PRKG1: variants seen among roughly 807,000 people sequenced by gnomAD.
PRKG1 encodes the protein protein kinase cGMP-dependent 1.
Under a neutral mutation model 88.1 loss-of-function variants are expected in PRKG1, and 35 were observed. The observed-to-expected ratio is 0.40, with a 90% CI of 0.30 to 0.53. PRKG1 has a LOEUF of 0.53. Among genes scored for constraint, PRKG1 ranks in the 20% least tolerant of loss-of-function variants. PRKG1 has a pLI of 0.59. For missense variants in PRKG1, 540 were observed against 839.8 expected (o/e 0.64, Z 4.41); for synonymous variants, 303 against 292.5 (o/e 1.04, Z -0.37).
rs981213650 is a variant in PRKG1 at position 51,099,496 on chromosome 10, C to T, written c.311+24595C>T. On this transcript the variant is annotated intron_variant, in intron 1 of 17. Transcript: ENST00000373980. ...TCTAGTTTAAAGAGGTGTTTGTGGG[C>T]TCTCTTGGGAATCTAACTAGGATTT... Among the ~76,000 whole-genome samples, 7 of 152,016 alleles carry T rather than the reference C, an allele frequency of 4.6e-5. 2 individuals are homozygous for T. The Middle Eastern group carries it at 0.024, about 521-fold the overall frequency.
intron 7 of PRKG1, among the ~76,000 whole-genome samples, chr10:52,070,760 G>A (rs12765975): frequency 2.0e-4 from 31 of 152,206 alleles, no homozygotes; most frequent in Non-Finnish European, 1.8e-4. Flanking sequence ...TCCTTCAATT[G>A]TATCAAGTCT....
chr10:51,122,240 A>G (rs1386609047), intron 1 of PRKG1, among the ~76,000 whole-genome samples: 1 of 152,200 alleles, frequency 6.6e-6, no homozygotes, highest in Non-Finnish European at 1.5e-5. Context: ...CATGTGTAGC[A>G]AAGGGCAAAA....
In PRKG1 at chr10:51,535,710, G is replaced by A. The variant is rs114727945; in HGVS notation, c.592+67874G>A. Among the ~76,000 whole-genome samples the A allele has an allele frequency of 5.9e-3, 859 of 146,192 alleles. 7 individuals carry two copies. Among genetic ancestry groups the A allele is most frequent in the African/African-American group, 0.02 (806 of 40,712 alleles). On this transcript the variant is annotated intron_variant, in intron 3 of 17. Transcript: ENST00000373980. ...ATTTTTTAAAGATTAAAAAGAAAGGGTTTTGAAATCAATGATTTTTTTTTT... is the reference window on the plus strand; with the variant it reads ...ATTTTTTAAAGATTAAAAAGAAAGGATTTTGAAATCAATGATTTTTTTTTT...
At chr10:52,133,929 G>A in intron 8 of PRKG1, 24 bp downstream of exon 8, 1 of 1,581,192 alleles carries the variant, frequency 6.3e-7, no homozygotes, top group Non-Finnish European at 8.7e-7. Flanking sequence ...TTTATTATGT[G>A]AATTACACAC....
At chr10:51,685,097 C>A (rs532104751) in intron 3 of PRKG1, among the ~76,000 whole-genome samples, 4 of 152,112 alleles carry the variant, frequency 2.6e-5, no homozygotes, top group Non-Finnish European at 5.9e-5. Flanking sequence ...CCTGTAATGA[C>A]CTTCATCACT....
intron 3 of PRKG1, among the ~76,000 whole-genome samples, chr10:51,476,510 G>T (rs967814537): frequency 1.3e-5 from 2 of 152,012 alleles, no homozygotes; most frequent in Non-Finnish European, 2.9e-5. Context: ...TTCCAGAAGA[G>T]CAATACTTTA....
intron 3 of PRKG1, among the ~76,000 whole-genome samples, chr10:51,513,181 G>A (rs1433252512): frequency 1.7e-4 from 26 of 149,302 alleles, no homozygotes; most frequent in Middle Eastern, 3.5e-3. Flanking sequence ...ACAAAAAAAG[G>A]CAGGGGTTGC....
intron 3 of PRKG1, among the ~76,000 whole-genome samples, chr10:51,549,496 G>A (rs923743058): frequency 2.6e-5 from 4 of 151,932 alleles, no homozygotes; most frequent in South Asian, 2.1e-4. Context: ...TACTAGTTGC[G>A]ATAGGTTTAT....
chr10:52,129,157 G>A (rs145948263), intron 7 of PRKG1, among the ~76,000 whole-genome samples: 328 of 152,162 alleles, frequency 2.2e-3, no homozygotes, highest in Admixed American at 3.3e-3. Flanking sequence ...CTTCTAAACC[G>A]CTCTGACGTG....
intron 9 of PRKG1, among the ~76,000 whole-genome samples, chr10:52,172,208 A>G (rs1282455009): frequency 6.6e-6 from 1 of 152,226 alleles, no homozygotes; most frequent in Non-Finnish European, 1.5e-5. Context: ...GAATCCCAGT[A>G]TGTGCTTGCT....
At chr10:51,069,123 T>C (rs1843789958) in intron 1 of PRKG1, among the ~76,000 whole-genome samples, 2 of 151,946 alleles carry the variant, frequency 1.3e-5, no homozygotes, top group African/African-American at 2.4e-5. Context: ...TAAAAATTCA[T>C]TTCACCTAAT....
chr10:52,029,703 T>C (rs190195751), intron 5 of PRKG1, among the ~76,000 whole-genome samples: 9 of 152,292 alleles, frequency 5.9e-5, no homozygotes, highest in Admixed American at 5.2e-4. Context: ...TTTAACATAT[T>C]CAGGGAAAGG....
In PRKG1 at chr10:51,445,795, C is replaced by T. The variant is rs1054568402; in HGVS notation, c.479-21928C>T. 1.1e-4 allele frequency among the ~76,000 whole-genome samples: 17 copies of T among 151,860 alleles called. 2 individuals carry two copies. Among genetic ancestry groups the T allele is most frequent in the South Asian group, 4.2e-4 (2 of 4,814 alleles). On this transcript the variant is annotated intron_variant, in intron 2 of 17. Transcript: ENST00000373980. Reference sequence around the variant, plus strand: ...TTCTCCACTGTCTACAACTGCCTGCCGTGCTAACTGAATAAGTAGGTTAAA... The same window carrying T: ...TTCTCCACTGTCTACAACTGCCTGCTGTGCTAACTGAATAAGTAGGTTAAA...
intron 4 of PRKG1, among the ~76,000 whole-genome samples, chr10:51,902,072 A>T (rs1322601364): frequency 1.3e-5 from 2 of 152,092 alleles, no homozygotes; most frequent in African/African-American, 4.8e-5. Context: ...GCGATAATCT[A>T]TTCTTAAATT....
chr10:51,732,315 C>T (rs1032446145), intron 3 of PRKG1, among the ~76,000 whole-genome samples: 1 of 152,084 alleles, frequency 6.6e-6, no homozygotes, highest in Non-Finnish European at 1.5e-5. Flanking sequence ...CTTCACAGGC[C>T]CTGTCTCCAC....
At chr10:52,017,567 C>A (rs1845072454) in intron 5 of PRKG1, among the ~76,000 whole-genome samples, 1 of 151,866 alleles carries the variant, frequency 6.6e-6, no homozygotes, top group Non-Finnish European at 1.5e-5. Context: ...ATGGTAGGTA[C>A]CATTACTGAG....
At chr10:52,078,666 G>C (rs1427113459) in intron 7 of PRKG1, among the ~76,000 whole-genome samples, 4 of 152,172 alleles carry the variant, frequency 2.6e-5, no homozygotes, top group Non-Finnish European at 5.9e-5. Context: ...AGGAAGACTG[G>C]ATAAATTATT....
At chr10:51,118,262 A>T (rs951033137) in intron 1 of PRKG1, among the ~76,000 whole-genome samples, 2 of 152,214 alleles carry the variant, frequency 1.3e-5, no homozygotes, top group Admixed American at 6.5e-5. Flanking sequence ...GAAAAAAAAT[A>T]AAAAATAAAA....
chr10:51,814,904 C>T (rs971644542), intron 4 of PRKG1, among the ~76,000 whole-genome samples: 5 of 152,144 alleles, frequency 3.3e-5, no homozygotes, highest in African/African-American at 1.2e-4. Flanking sequence ...CTACTTCTTG[C>T]AACTAATTAA....
Sources: allele counts gnomAD v4.1 joint callset (sites outside exome capture counted in the v4.1 genomes callset), GRCh38; gene constraint gnomAD v4.1.1; transcripts MANE v1.5; gene names NCBI Gene and HGNC (gene_info 2026-07-23, HGNC 2026-07-21).